Variants in CDH13 observed in about 807,000 individuals in gnomAD.
CDH13 encodes the protein cadherin-13.
CDH13 carries 24 observed loss-of-function variants against 63.8 expected under a neutral mutation model. The observed-to-expected ratio is 0.38, with a 90% CI of 0.27 to 0.53. The LOEUF (loss-of-function observed/expected upper bound fraction) is 0.53. Ranked by LOEUF, CDH13 falls within the 20% of genes least tolerant of loss-of-function variation. The pLI, the probability that CDH13 is intolerant of heterozygous loss-of-function variation, is 0.85. For missense variants in CDH13, 1,049 were observed against 903.1 expected (o/e 1.16, Z -2.07); for synonymous variants, 503 against 355.3 (o/e 1.42, Z -4.67).
At chr16:82,800,858 C>T (rs1326522596) in intron 1 of CDH13, among the ~76,000 whole-genome samples, 6 of 152,188 alleles carry the variant, frequency 3.9e-5, no homozygotes, top group African/African-American at 1.4e-4. Context: ...CATTTGTAGT[C>T]AGTATTCAAT....
intron 1 of CDH13, among the ~76,000 whole-genome samples, chr16:82,830,981 G>C (rs974125976): frequency 6.6e-6 from 1 of 152,062 alleles, no homozygotes; most frequent in African/African-American, 2.4e-5. Flanking sequence ...CAAATCTTCC[G>C]CAGAGCTGAA....
chr16:83,507,435 C>G (rs568663408), intron 7 of CDH13, among the ~76,000 whole-genome samples: 2 of 152,166 alleles, frequency 1.3e-5, no homozygotes, highest in Non-Finnish European at 2.9e-5. Flanking sequence ...GCATATTTGG[C>G]TAGAAAGACT....
intron 7 of CDH13, among the ~76,000 whole-genome samples, chr16:83,516,253 C>T (rs1274200920): frequency 2.0e-5 from 3 of 152,192 alleles, no homozygotes; most frequent in African/African-American, 7.2e-5. Flanking sequence ...AGCAATTCAG[C>T]ACTGGAACCG....
At chr16:83,523,950 C>T (rs778821279) in intron 7 of CDH13, among the ~76,000 whole-genome samples, 6 of 152,154 alleles carry the variant, frequency 3.9e-5, no homozygotes, top group Admixed American at 3.3e-4. Flanking sequence ...AGATGGAGAG[C>T]GTCCTGGGCA....
At chr16:83,304,974 T>G (rs2089839371) in intron 5 of CDH13, among the ~76,000 whole-genome samples, 1 of 152,188 alleles carries the variant, frequency 6.6e-6, no homozygotes. Flanking sequence ...AGCATTTTAT[T>G]TAAGCTCCAA....
intron 3 of CDH13, among the ~76,000 whole-genome samples, chr16:83,107,088 G>A (rs906318820): frequency 6.6e-6 from 1 of 152,126 alleles, no homozygotes. Flanking sequence ...TTGGGTAGGT[G>A]GATTGAAGAG....
At chr16:82,980,445 C>A (rs1200695068) in intron 2 of CDH13, among the ~76,000 whole-genome samples, 2 of 152,262 alleles carry the variant, frequency 1.3e-5, no homozygotes, top group East Asian at 1.9e-4. Flanking sequence ...GAGCTGTACA[C>A]AAGATGGTGG....
At chr16:82,640,290 AATAC>A (rs1399501685) in intron 1 of CDH13, among the ~76,000 whole-genome samples, 1 of 152,204 alleles carries the variant, frequency 6.6e-6, no homozygotes, top group African/African-American at 2.4e-5. Context: ...GGAAGTTAGT[AATAC>A]ATACATGGCA....
At chr16:83,237,839 T>C (rs1904277154) in intron 5 of CDH13, among the ~76,000 whole-genome samples, 1 of 152,248 alleles carries the variant, frequency 6.6e-6, no homozygotes, top group Non-Finnish European at 1.5e-5. Context: ...ACTGGGCAAA[T>C]AATAAATACT....
intron 6 of CDH13, among the ~76,000 whole-genome samples, chr16:83,388,367 C>T (rs117843349): frequency 2.0e-4 from 31 of 151,646 alleles, no homozygotes; most frequent in African/African-American, 2.7e-4. Context: ...GTGGGAGGAT[C>T]GCTTGGGCCC....
chr16:82,958,536 G>A (rs760765967), intron 2 of CDH13, among the ~76,000 whole-genome samples: 8 of 152,302 alleles, frequency 5.3e-5, no homozygotes, highest in Non-Finnish European at 7.4e-5. Flanking sequence ...AAACACAGTC[G>A]GGGAGGAGAG....
At chr16:83,621,888 G>A (rs1013837481) in intron 8 of CDH13, among the ~76,000 whole-genome samples, 1 of 152,084 alleles carries the variant, frequency 6.6e-6, no homozygotes, top group Admixed American at 6.6e-5. Flanking sequence ...ATTAGGATAA[G>A]TTCAAGTTAC....
intron 11 of CDH13, among the ~76,000 whole-genome samples, chr16:83,760,427 T>C (rs1252865522): frequency 6.6e-6 from 1 of 152,206 alleles, no homozygotes; most frequent in African/African-American, 2.4e-5. Flanking sequence ...GAGCCCAAAG[T>C]TGGAAATTAT....
At chr16:82,812,766 T>C (rs1047826032) in intron 1 of CDH13, among the ~76,000 whole-genome samples, 1 of 152,090 alleles carries the variant, frequency 6.6e-6, no homozygotes, top group Admixed American at 6.5e-5. Flanking sequence ...AAACAAAGTT[T>C]TTTTTTTCTT....
intron 1 of CDH13, among the ~76,000 whole-genome samples, chr16:82,667,114 C>G (rs976817590): frequency 5.3e-5 from 8 of 152,166 alleles, no homozygotes; most frequent in Admixed American, 2.0e-4. Context: ...CAGAAGTTAT[C>G]TGATGCCAGC....
chr16:83,546,430 T>C (rs75400704), intron 7 of CDH13, among the ~76,000 whole-genome samples: 1 of 64,040 alleles, frequency 1.6e-5, no homozygotes, highest in Non-Finnish European at 4.4e-5. Context: ...ATACTACTGG[T>C]TTTTTTTTTT....
intron 1 of CDH13, among the ~76,000 whole-genome samples, chr16:82,673,019 T>TTTTTTTTG (rs59558350): frequency 5.5e-5 from 8 of 145,478 alleles, no homozygotes; most frequent in African/African-American, 1.8e-4. Context: ...TTTTTTTTTT[T>TTTTTTTTG]GTAGAGATGA....
intron 4 of CDH13, among the ~76,000 whole-genome samples, chr16:83,164,558 TAAAAA>T (rs2037581114): frequency 6.6e-6 from 1 of 151,768 alleles, no homozygotes; most frequent in African/African-American, 2.4e-5. Context: ...CCATCTCTAC[TAAAAA>T]TACAGAAATT....
chr16:83,338,066 T>A (rs2090636908), intron 5 of CDH13, among the ~76,000 whole-genome samples: 1 of 151,784 alleles, frequency 6.6e-6, no homozygotes, highest in Non-Finnish European at 1.5e-5. Flanking sequence ...ATGGACCAGG[T>A]CCTTAAATTT....
Sources: gnomAD v4.1 joint callset for allele counts (sites outside exome capture counted in the v4.1 genomes callset) on GRCh38, gnomAD v4.1.1 for gene constraint, MANE v1.5 for transcripts, NCBI Gene and HGNC (gene_info 2026-07-23, HGNC 2026-07-21) for gene names.